PYGB: variants seen among roughly 807,000 people sequenced by gnomAD.
PYGB encodes glycogen phosphorylase, brain form.
In PYGB, 82 loss-of-function variants were observed where a neutral mutation model predicts 94.3. That is an observed-to-expected ratio of 0.87 (90% confidence interval 0.73 to 1.04). The LOEUF is 1.04. Ranked by LOEUF, PYGB falls within the 50% of genes least tolerant of loss-of-function variation. The pLI, the probability that PYGB is intolerant of heterozygous loss-of-function variation, is 0.00. For synonymous variants in PYGB, 488 were observed against 479.1 expected (o/e 1.02, Z -0.24); for missense variants, 1,132 against 1,158.2 (o/e 0.98, Z 0.33).
intron 4 of PYGB, among the ~76,000 whole-genome samples, chr20:25,273,703 G>T (rs1055499773): frequency 3.9e-5 from 6 of 152,198 alleles, no homozygotes; most frequent in African/African-American, 7.2e-5. Context: ...ACTGGGCACA[G>T]ATTCTGGGAA....
intron 8 of PYGB, 61 bp from the exon 9 acceptor site, chr20:25,278,996 A>G (rs117908287): frequency 0.019 from 28,422 of 1,516,050 alleles, 334 homozygotes; most frequent in Non-Finnish European, 0.022. Flanking sequence ...TCGTATGCCA[A>G]CAACCGTGGG....
At position 25,248,334 on chromosome 20, in the gene PYGB, C is replaced by T. The variant is rs1485964440; in HGVS notation, c.156C>T (p.Tyr52=). ...KDRNVATPRD[Y]FFALAHTVRD... ...GCAATGTGGCCACGCCCCGCGACTA[C>T]TTCTTCGCGCTGGCGCACACGGTGC... is the stretch of plus-strand genomic sequence containing the variant. The change falls in exon 1 of 20, where the codon TAC becomes TAT. Residue 52 remains tyrosine, a synonymous_variant. Transcript: ENST00000216962. 3 of 1,603,710 alleles carry T rather than the reference C, an allele frequency of 1.9e-6. No individual in the cohort carries two copies. Among genetic ancestry groups the T allele is most frequent in the South Asian group, 1.1e-5 (1 of 89,472 alleles).
intron 9 of PYGB, 78 bp downstream of exon 9, chr20:25,279,227 G>T: frequency 3.5e-6 from 5 of 1,445,284 alleles, no homozygotes; most frequent in Non-Finnish European, 4.8e-6. Context: ...AGCTGAGCTG[G>T]GGGGCCTCTT....
chr20:25,272,392 T>C (rs1357895858), intron 4 of PYGB, among the ~76,000 whole-genome samples: 1 of 152,156 alleles, frequency 6.6e-6, no homozygotes, highest in Non-Finnish European at 1.5e-5. Flanking sequence ...GTAAGACTCA[T>C]GTATCTCACC....
chr20:25,276,922 T>TA (rs1375368404), intron 6 of PYGB, among the ~76,000 whole-genome samples, 165 bp downstream of exon 6: 4 of 152,032 alleles, frequency 2.6e-5, no homozygotes, highest in African/African-American at 9.7e-5. Flanking sequence ...TGGTGCAGCT[T>TA]ACCTGTGTGT....
At position 25,297,235 on chromosome 20, in the gene PYGB, G is replaced by C. The variant is rs1051976829; in HGVS notation, c.*713G>C. 6.6e-6 allele frequency: 1 copy of C among 152,262 alleles called. No individual in the cohort carries two copies. Among genetic ancestry groups the C allele is most frequent in the African/African-American group, 2.4e-5 (1 of 41,450 alleles). 9.4% of individuals were successfully genotyped at this position (152,262 alleles called of 1,614,324 possible). ...TTGTGTCTGCTGTCTCAGAGGCCTTGGTCAGGATGAAGTTGGCTGACACAG... is the reference window on the plus strand; with the variant it reads ...TTGTGTCTGCTGTCTCAGAGGCCTTCGTCAGGATGAAGTTGGCTGACACAG... On this transcript the variant is annotated 3_prime_UTR_variant, in exon 20 of 20. Coordinates refer to ENST00000216962, the MANE Select transcript of PYGB (RefSeq NM_002862.4).
intron 2 of PYGB, among the ~76,000 whole-genome samples, chr20:25,264,398 C>T (rs991939532): frequency 2.0e-5 from 3 of 152,138 alleles, no homozygotes; most frequent in African/African-American, 7.2e-5. Flanking sequence ...TACTCCTATT[C>T]AACATAGTGT....
At position 25,290,532 on chromosome 20, in the gene PYGB, A is replaced by G. The variant is rs773269581; in HGVS notation, c.1879A>G (p.Ile627Val). 3 of 1,611,756 alleles carry G rather than the reference A, an allele frequency of 1.9e-6. No homozygotes were observed. Among genetic ancestry groups the G allele is most frequent in the Non-Finnish European group, 1.7e-6 (2 of 1,177,924 alleles). Reference sequence around the variant, plus strand: ...GCTGATCATCAAGTTGGTCACCTCCATCGGCGACGTCGTCAATCATGACCC... The same window carrying G: ...GCTGATCATCAAGTTGGTCACCTCCGTCGGCGACGTCGTCAATCATGACCC... The part of the protein sequence containing the change: ...AKLIIKLVTS[I>V]GDVVNHDPVV... Residue 627 changes from isoleucine (I) to valine (V), a missense_variant, in exon 16 of 20, where the codon ATC (isoleucine) becomes GTC (valine). Physicochemically the swap from Ile to Val is conservative, Grantham distance 29. Transcript: ENST00000216962.
In PYGB at chr20:25,296,356, CT is replaced by C. The variant is rs1373677187; in HGVS notation, c.2380-13del. 5.0e-6 allele frequency: 8 copies of C among 1,613,978 alleles called. No homozygotes were observed. In the Admixed American group the frequency reaches 1.2e-4, roughly 24 times the overall value. On this transcript the variant is annotated splice_polypyrimidine_tract_variant and intron_variant, in intron 19 of 19. Transcript: ENST00000216962. ...CTGTGACGCCAGAGACTAATTTCAT[CT>C]CCTTCCCTGCAGAACCCCAAGGAGT...
chr20:25,281,034 T>C lies in PYGB; in HGVS notation c.1325T>C (p.Met442Thr), dbSNP rs2088362410. 1 of 1,614,206 alleles carries C rather than the reference T, an allele frequency of 6.2e-7. No homozygotes were observed. ...GAGGGGGACTGCAAGCGGATCAACA[T>C]GGCCCACCTGTGTGTGATTGGGTCC... ...IEEGDCKRIN[M>T]AHLCVIGSHA... The change falls in exon 11 of 20, where the codon ATG (methionine) becomes ACG (threonine). Residue 442 changes from methionine to threonine, a missense_variant. Coordinates refer to ENST00000216962, the MANE Select transcript of PYGB (RefSeq NM_002862.4).
In PYGB at chr20:25,259,273, C is replaced by T. The variant is rs200651502; in HGVS notation, c.280C>T (p.Arg94Cys). The T allele has an allele frequency of 6.5e-5, 104 of 1,611,304 alleles. 1 individual carries two copies. The highest frequency in any genetic ancestry group is 3.6e-4 in the East Asian group (16 of 44,866). ...TCTTTCCCTGGAATTCTACATGGGT[C>T]GCACGCTGCAGAACACGATGGTGAA... ...YYLSLEFYMG[R>C]TLQNTMVNLG... The change falls in exon 2 of 20, where the codon CGC becomes TGC. Residue 94 changes from arginine (R) to cysteine (C), a missense_variant. By Grantham distance (180) the Arg-to-Cys change is radical. Transcript: ENST00000216962.
In PYGB at chr20:25,280,419, G is replaced by C. The variant is rs1485447333; in HGVS notation, c.1239+7G>C. 1.9e-6 allele frequency: 3 copies of C among 1,613,844 alleles called. No homozygotes were observed. In the South Asian group the frequency reaches 3.3e-5, roughly 18 times the overall value. The stretch of plus-strand genomic sequence containing the variant: ...CAACCAGCGGCACCTGGACGTGAGT[G>C]TGGGCCCAGCTGGCCGTGTAGGGTG... On this transcript the variant is annotated splice_region_variant and intron_variant, in intron 10 of 19. Coordinates refer to ENST00000216962, the MANE Select transcript of PYGB (RefSeq NM_002862.4).
intron 1 of PYGB, among the ~76,000 whole-genome samples, chr20:25,253,086 C>T (rs2092892819): frequency 6.6e-6 from 1 of 152,204 alleles, no homozygotes; most frequent in Non-Finnish European, 1.5e-5. Flanking sequence ...GAGCACAGGC[C>T]AGGAAGAACA....
At chr20:25,288,589 G>A (rs765343029) in intron 15 of PYGB, 106 bp downstream of exon 15, 56 of 1,356,890 alleles carry the variant, frequency 4.1e-5, no homozygotes, top group African/African-American at 2.8e-4. Flanking sequence ...CTCGGGAACC[G>A]GATGCCCAGC....
At chr20:25,263,952 AC>A (rs1444202711) in intron 2 of PYGB, among the ~76,000 whole-genome samples, 2 of 152,230 alleles carry the variant, frequency 1.3e-5, no homozygotes, top group African/African-American at 4.8e-5. Context: ...TCATCCTGAT[AC>A]CAAAGCCTGG....
chr20:25,271,351 G>A (rs1600728716), intron 3 of PYGB, 32 bp from the exon 4 acceptor site: 4 of 1,606,544 alleles, frequency 2.5e-6, no homozygotes, highest in Middle Eastern at 3.3e-4. Flanking sequence ...CCGTGCCTTT[G>A]ATTCTGACTG....
At chr20:25,270,187 G>GTTT (rs1555806349) in intron 3 of PYGB, among the ~76,000 whole-genome samples, 9 of 130,138 alleles carry the variant, frequency 6.9e-5, no homozygotes, top group African/African-American at 2.6e-4. Context: ...TAATCCTGAA[G>GTTT]TTTTTTTTGT....
chr20:25,294,187 T>G lies in PYGB; in HGVS notation c.2207T>G (p.Leu736Arg). The stretch of plus-strand genomic sequence containing the variant: ...AATGCCAGGGAGTACTACGACCACC[T>G]GCCCGAGCTGAAGCAGGCCGTGGAC... Reference protein sequence around the residue: ...GYNAREYYDHLPELKQAVDQI... With the variant: ...GYNAREYYDHRPELKQAVDQI... The change falls in exon 18 of 20, where the codon CTG becomes CGG. Residue 736 changes from leucine to arginine, a missense_variant. Leu to Arg is a moderately radical substitution (Grantham distance 102). Coordinates refer to ENST00000216962, the MANE Select transcript of PYGB (RefSeq NM_002862.4). 6.2e-7 allele frequency: 1 copy of G among 1,613,948 alleles called. No individual in the cohort carries two copies. The highest frequency in any genetic ancestry group is 8.5e-7 in the Non-Finnish European group (1 of 1,180,030).
At chr20:25,272,466 G>A (rs1463213606) in intron 4 of PYGB, among the ~76,000 whole-genome samples, 1 of 152,242 alleles carries the variant, frequency 6.6e-6, no homozygotes, top group Non-Finnish European at 1.5e-5. Flanking sequence ...ACAGCGATGC[G>A]TTTAGTGGGA....
Sources: gnomAD v4.1 joint callset for allele counts (sites outside exome capture counted in the v4.1 genomes callset) on GRCh38, gnomAD v4.1.1 for gene constraint, MANE v1.5 for transcripts, NCBI Gene and HGNC (gene_info 2026-07-23, HGNC 2026-07-21) for gene names.